The following ART3 variants were observed in gnomAD, a reference collection of about 807,000 sequenced individuals.
ART3 encodes the protein ADP-ribosyltransferase 3 (inactive).
A neutral mutation model predicts 48.5 loss-of-function variants in ART3; 49 were observed. The ratio of observed to expected loss-of-function variants is 1.01; its 90% CI spans 0.80 to 1.28. The LOEUF (loss-of-function observed/expected upper bound fraction) is 1.28, where lower values mean the gene tolerates loss of function less well. ART3 is among the 50% of genes most tolerant of loss of function. ART3 has a pLI of 0.00. For synonymous variants in ART3, 145 were observed against 157.2 expected, an observed-to-expected ratio of 0.92 and a Z score of 0.58; for missense variants, 438 against 454.3, an observed-to-expected ratio of 0.96 and a Z score of 0.33.
At chr4:76,044,738 TCTGA>T (rs1735333343) in intron 1 of ART3, among the ~76,000 whole-genome samples, 1 of 152,008 alleles carries the variant, frequency 6.6e-6, no homozygotes, top group Non-Finnish European at 1.5e-5. Context: ...TGTCTCTTTC[TCTGA>T]CTTTCTCTTT....
chr4:76,099,201 C>T, intron 5 of ART3: 1 of 496,262 alleles, frequency 2.0e-6, no homozygotes, highest in South Asian at 2.0e-5. Flanking sequence ...ACTTGGGAGG[C>T]TGAGGCAGGA....
intron 1 of ART3, among the ~76,000 whole-genome samples, chr4:76,053,584 A>T (rs1489112110): frequency 2.0e-5 from 3 of 152,252 alleles, no homozygotes; most frequent in Admixed American, 1.3e-4. Flanking sequence ...CGTCAAAGAA[A>T]AGCTACTTAA....
intron 1 of ART3, among the ~76,000 whole-genome samples, chr4:76,062,759 A>G (rs1719359519): frequency 6.6e-6 from 1 of 151,742 alleles, no homozygotes; most frequent in East Asian, 1.9e-4. Context: ...ATGGGGTTTC[A>G]TTGTGTTAGC....
chr4:76,055,018 T>C (rs1354947825), intron 1 of ART3, among the ~76,000 whole-genome samples: 4 of 152,338 alleles, frequency 2.6e-5, no homozygotes, highest in Middle Eastern at 3.4e-3. Flanking sequence ...CAGGCAAGTC[T>C]CCTGCTTTGG....
chr4:76,040,963 C>G (rs1734921886), intron 1 of ART3, among the ~76,000 whole-genome samples: 2 of 152,316 alleles, frequency 1.3e-5, no homozygotes, highest in South Asian at 2.1e-4. Context: ...CCCAGTGTTC[C>G]TGCCTTAGAG....
intron 10 of ART3, 109 bp downstream of exon 10, chr4:76,104,738 G>A (rs1728099912): frequency 1.5e-6 from 2 of 1,297,170 alleles, no homozygotes; most frequent in Non-Finnish European, 1.1e-6. Context: ...TCTATCAAAT[G>A]TAGCCATCAG....
At chr4:76,103,450 T>C (rs563588549) in intron 8 of ART3, among the ~76,000 whole-genome samples, 1 of 152,252 alleles carries the variant, frequency 6.6e-6, no homozygotes, top group African/African-American at 2.4e-5. Flanking sequence ...TTGAGTACCT[T>C]TTTTCGCTCC....
chr4:76,105,829 G>A (rs1728350358), intron 10 of ART3: 2 of 985,338 alleles, frequency 2.0e-6, no homozygotes, highest in Non-Finnish European at 2.4e-6. Context: ...ATTCCAGAAT[G>A]AGGCAGGCTT....
intron 3 of ART3, among the ~76,000 whole-genome samples, chr4:76,084,716 G>A (rs892342339): frequency 5.9e-5 from 9 of 152,166 alleles, no homozygotes; most frequent in Non-Finnish European, 8.8e-5. Context: ...ATCTATGAAA[G>A]GTGGAATGAC....
chr4:76,070,565 A>G (rs909159081), upstream of ART3, among the ~76,000 whole-genome samples: 18 of 152,284 alleles, frequency 1.2e-4, no homozygotes, highest in Admixed American at 7.8e-4. Flanking sequence ...TCTTTATTCA[A>G]TCCAATTTAG....
intron 1 of ART3, chr4:76,023,293 A>C: frequency 8.7e-7 from 1 of 1,143,558 alleles, no homozygotes; most frequent in Non-Finnish European, 1.3e-6. Flanking sequence ...TTACAAATAC[A>C]TTATTTCTGT....
intron 1 of ART3, among the ~76,000 whole-genome samples, chr4:76,020,024 A>T (rs916184598): frequency 4.6e-5 from 7 of 151,662 alleles, no homozygotes; most frequent in African/African-American, 1.7e-4. Context: ...TTGAATGTAC[A>T]TTTCCTTGAT....
At chr4:76,040,666 A>G (rs1332268516) in intron 1 of ART3, among the ~76,000 whole-genome samples, 2 of 152,064 alleles carry the variant, frequency 1.3e-5, no homozygotes, top group Non-Finnish European at 2.9e-5. Flanking sequence ...CTGCTTGTGT[A>G]TGACCCTAGA....
chr4:76,111,271 A>C (rs963187616), intron 11 of ART3, among the ~76,000 whole-genome samples: 4 of 152,178 alleles, frequency 2.6e-5, no homozygotes, highest in Admixed American at 2.6e-4. Context: ...AAAACCTTGA[A>C]TAACACCATA....
chr4:76,036,139 A>G (rs1734381657), intron 1 of ART3: 1 of 636,426 alleles, frequency 1.6e-6, no homozygotes, highest in Non-Finnish European at 2.7e-6. Context: ...ATGGCACAGG[A>G]ATTTCCCTCT....
intron 1 of ART3, among the ~76,000 whole-genome samples, chr4:76,044,341 C>A (rs1735286496): frequency 6.6e-6 from 1 of 152,062 alleles, no homozygotes; most frequent in Non-Finnish European, 1.5e-5. Flanking sequence ...GCAGAGTCCT[C>A]CTTTCTCAGC....
chr4:76,048,784 A>T (rs1735757778), intron 1 of ART3, among the ~76,000 whole-genome samples: 1 of 149,864 alleles, frequency 6.7e-6, no homozygotes, highest in African/African-American at 2.5e-5. Flanking sequence ...TTCCTAGACC[A>T]CAAGGAGGAC....
intron 1 of ART3, chr4:76,041,376 C>T (rs1332721302): frequency 6.6e-6 from 1 of 152,184 alleles, no homozygotes; most frequent in African/African-American, 2.4e-5. Context: ...CTTTCCTCTC[C>T]TCTTTTGAAT....
chr4:76,098,992 G>C lies in ART3; in HGVS notation c.847+5G>C. 1 of 1,607,698 alleles carries C rather than the reference G, an allele frequency of 6.2e-7. No individual in the cohort carries two copies. The highest frequency in any genetic ancestry group is 8.5e-7 in the Non-Finnish European group (1 of 1,174,334). On this transcript the variant is annotated splice_donor_5th_base_variant and intron_variant, in intron 5 of 11. Coordinates refer to ENST00000355810, the MANE Select transcript of ART3 (RefSeq NM_001130016.3). Reference sequence around the variant, plus strand: ...CCATCTATGTCTACAACCCTGGTGAGTATGTTCTAATTTTTAAAAATAATC... The same window carrying C: ...CCATCTATGTCTACAACCCTGGTGACTATGTTCTAATTTTTAAAAATAATC...
Sources: gnomAD v4.1 joint callset for allele counts (sites outside exome capture counted in the v4.1 genomes callset) on GRCh38, gnomAD v4.1.1 for gene constraint, MANE v1.5 for transcripts, NCBI Gene and HGNC (gene_info 2026-07-23, HGNC 2026-07-21) for gene names.